GCM2: variants seen among roughly 807,000 people sequenced by gnomAD.
The protein encoded by GCM2 is chorion-specific transcription factor GCMb.
GCM2 carries 21 observed loss-of-function variants against 24.8 expected under a neutral mutation model. The observed-to-expected ratio is 0.85, with a 90% confidence interval of 0.60 to 1.22. The LOEUF (loss-of-function observed/expected upper bound fraction) is 1.22. Ranked by LOEUF, GCM2 falls within the 50% of genes most tolerant of loss-of-function variation. The pLI is 0.00. For synonymous variants in GCM2, 222 were observed against 238.0 expected (o/e 0.93, Z 0.62); for missense variants, 532 against 645.6 (o/e 0.82, Z 1.91).
At chr6:10,881,294 G>T (rs1779953746) in intron 1 of GCM2, among the ~76,000 whole-genome samples, 1 of 152,034 alleles carries the variant, frequency 6.6e-6, no homozygotes, top group East Asian at 1.9e-4. Flanking sequence ...GAGTAGCTGC[G>T]ACTTTAGGCA....
At chr6:10,876,041 T>C (rs373787417) in intron 3 of GCM2, 25 bp from the exon 4 acceptor site, 3 of 1,613,442 alleles carry the variant, frequency 1.9e-6, no homozygotes, top group Middle Eastern at 1.6e-4. Flanking sequence ...AAATGAATCA[T>C]ACATTTGTGC....
intron 1 of GCM2, among the ~76,000 whole-genome samples, chr6:10,878,540 A>G (rs1428850929): frequency 6.6e-6 from 1 of 152,064 alleles, no homozygotes; most frequent in Non-Finnish European, 1.5e-5. Context: ...GATGGTCTTG[A>G]TCTTCCTGAC....
Position 10,875,979 on chromosome 6 carries a change from T to C in GCM2, c.494A>G (p.Lys165Arg). The C allele has an allele frequency of 6.2e-7, 1 of 1,613,944 alleles. No individual in the cohort carries two copies. The highest frequency in any genetic ancestry group is 8.5e-7 in the Non-Finnish European group (1 of 1,179,830). The change falls in exon 4 of 5, where the codon AAA (lysine) becomes AGA (arginine). Residue 165 changes from lysine to arginine, a missense_variant. By Grantham distance (26) the Lys-to-Arg change is conservative (BLOSUM62 2). Transcript: ENST00000379491. ...GVHDHPRPES[K>R]SETEARRSAI... ...GCTTCTTCTAGCTTCTGTCTCTGAT[T>C]TGCTCTCTGGTCTTGGATGATCATG...
At position 10,876,019 on chromosome 6, in the gene GCM2, G is replaced by T. The variant is rs1366913507; in HGVS notation, c.457-3C>A. On this transcript the variant is annotated splice_polypyrimidine_tract_variant and splice_region_variant and intron_variant, in intron 3 of 4. Transcript: ENST00000379491. Reference sequence around the variant, plus strand: ...GGATGATCATGAACTCCCTTGGCCTGCGATAACGAGAAAATGAATCATACA... The same window carrying T: ...GGATGATCATGAACTCCCTTGGCCTTCGATAACGAGAAAATGAATCATACA... 6.2e-7 allele frequency: 1 copy of T among 1,613,944 alleles called. No homozygotes were observed. The highest frequency in any genetic ancestry group is 2.2e-5 in the East Asian group (1 of 44,870).
intron 1 of GCM2, among the ~76,000 whole-genome samples, chr6:10,880,642 C>A (rs1405689013): frequency 6.6e-6 from 1 of 152,198 alleles, no homozygotes; most frequent in African/African-American, 2.4e-5. Context: ...TCATTCACCA[C>A]TTCATCCACC....
intron 1 of GCM2, 98 bp downstream of exon 1, chr6:10,881,606 G>A (rs955526481): frequency 7.0e-6 from 4 of 569,184 alleles, no homozygotes; most frequent in Non-Finnish European, 1.3e-5. Flanking sequence ...GTGTGTGTGT[G>A]TATGGTCCGT....
chr6:10,881,768 G>T lies in GCM2; in HGVS notation c.26C>A (p.Ala9Glu). The T allele has an allele frequency of 1.2e-6, 2 of 1,609,642 alleles. No individual in the cohort carries two copies. The change falls in exon 1 of 5, where the codon GCG (alanine) becomes GAG (glutamate). Residue 9 changes from alanine (A) to glutamate (E), a missense_variant. Physicochemically the swap from Ala to Glu is moderately radical, Grantham distance 107. Coordinates refer to ENST00000379491, the MANE Select transcript of GCM2 (RefSeq NM_004752.4). ...CATCCCGTAGGAGCACACGCCGACC[G>T]CTTCCTGCACCGCGGCCGCCGGCAT... MPAAAVQE[A>E]VGVCSYGMQL...
At chr6:10,878,151 C>A (rs563883934) in intron 1 of GCM2, among the ~76,000 whole-genome samples, 1 of 152,308 alleles carries the variant, frequency 6.6e-6, no homozygotes, top group South Asian at 2.1e-4. Context: ...TGTCATTCTC[C>A]TCAACAAAGA....
chr6:10,876,766 C>T (rs538807373), intron 2 of GCM2, among the ~76,000 whole-genome samples: 11 of 152,044 alleles, frequency 7.2e-5, no homozygotes, highest in Admixed American at 3.9e-4. Context: ...CTTGTCTCTA[C>T]TAAAAATACA....
At chr6:10,877,988 G>GTA (rs931215721) in intron 1 of GCM2, among the ~76,000 whole-genome samples, 2 of 152,186 alleles carry the variant, frequency 1.3e-5, no homozygotes, top group African/African-American at 4.8e-5. Flanking sequence ...GGCACCCAGA[G>GTA]TAATGTCAGA....
chr6:10,880,378 C>A (rs1273775451), intron 1 of GCM2, among the ~76,000 whole-genome samples: 2 of 152,168 alleles, frequency 1.3e-5, no homozygotes, highest in Non-Finnish European at 2.9e-5. Context: ...AGAGGCGACA[C>A]AATGTTGCAA....
rs1239747774 is a variant in GCM2 at position 10,873,854 on chromosome 6, A to C, written c.*141T>G. On this transcript the variant is annotated 3_prime_UTR_variant, in exon 5 of 5. Transcript: ENST00000379491. ...ATCATTTCCAACTGATTATTTTCTC[A>C]GTTACTCAGAATTTTTACTACTATC... 4 of 720,212 alleles carry C rather than the reference A, an allele frequency of 5.6e-6. No individual in the cohort carries two copies. The highest frequency in any genetic ancestry group is 2.0e-5 in the Admixed American group (1 of 49,434). 44.6% of individuals were successfully genotyped at this position (720,212 alleles called of 1,614,324 possible).
In GCM2 at chr6:10,876,977, C is replaced by T. The variant is rs9393726; in HGVS notation, c.343+163G>A. Among the ~76,000 whole-genome samples the T allele has an allele frequency of 0.15, 22,758 of 152,280 alleles. 2,110 individuals carry two copies. Among genetic ancestry groups the T allele is most frequent in the Middle Eastern group, 0.28 (83 of 294 alleles). ...ACTTGGGAGGCTGAGGCAGGAGGAT[C>T]GCTTGAACCCGGGAGGCGGAGGTTG... On this transcript the variant is annotated intron_variant, in intron 2 of 4. Transcript: ENST00000379491.
At chr6:10,876,407 A>G (rs1483697883) in intron 3 of GCM2, 38 bp downstream of exon 3, 4 of 1,319,894 alleles carry the variant, frequency 3.0e-6, no homozygotes, top group Non-Finnish European at 4.4e-6. Flanking sequence ...GGTCTGATGA[A>G]AAGTATCCAT....
In GCM2 at chr6:10,877,345, C is replaced by T; in HGVS notation, c.138G>A (p.Val46=). The change falls in exon 2 of 5, where the codon GTG becomes GTA. Residue 46 remains valine (V), a synonymous_variant. Transcript: ENST00000379491. ...TCTCATCGCTGCTGTAGATGAAGCG[C>T]ACATAGCCGTCAGGCCACTCTCGGA... ...DQFREWPDGY[V]RFIYSSDEKK... 6.2e-7 allele frequency: 1 copy of T among 1,614,182 alleles called. No individual in the cohort carries two copies. Among genetic ancestry groups the T allele is most frequent in the Non-Finnish European group, 8.5e-7 (1 of 1,180,028 alleles).
chr6:10,880,719 A>G (rs1337515305), intron 1 of GCM2, among the ~76,000 whole-genome samples: 3 of 152,130 alleles, frequency 2.0e-5, no homozygotes, highest in Non-Finnish European at 4.4e-5. Flanking sequence ...AATACAACAA[A>G]TTCACCCTAA....
At position 10,874,946 on chromosome 6, in the gene GCM2, T is replaced by C; in HGVS notation, c.583-13A>G. 1 of 1,564,374 alleles carries C rather than the reference T, an allele frequency of 6.4e-7. No individual in the cohort carries two copies. The highest frequency in any genetic ancestry group is 1.1e-5 in the South Asian group (1 of 90,062). ...GATTTTCTTCTGCCTAGAAAAATGA[T>C]ACAAACATAGACACACGCTATGTAA... On this transcript the variant is annotated splice_polypyrimidine_tract_variant and intron_variant, in intron 4 of 4. Coordinates refer to ENST00000379491, the MANE Select transcript of GCM2 (RefSeq NM_004752.4).
At chr6:10,875,681 C>T (rs1043470075) in intron 4 of GCM2, among the ~76,000 whole-genome samples, 5 of 152,138 alleles carry the variant, frequency 3.3e-5, no homozygotes, top group African/African-American at 1.2e-4. Context: ...GTATCATTGC[C>T]TGTAGAGATT....
At chr6:10,875,770 A>T in intron 4 of GCM2, 121 bp downstream of exon 4, 1 of 994,418 alleles carries the variant, frequency 1.0e-6, no homozygotes, top group Non-Finnish European at 1.6e-6. Context: ...ACAGACGTAT[A>T]ATTTTCAGAT....
Sources: allele counts gnomAD v4.1 joint callset (sites outside exome capture counted in the v4.1 genomes callset), GRCh38; gene constraint gnomAD v4.1.1; transcripts MANE v1.5; gene names NCBI Gene and HGNC (gene_info 2026-07-23, HGNC 2026-07-21).